Variants in PHACTR2 observed in about 807,000 individuals in gnomAD.
The protein encoded by PHACTR2 is phosphatase and actin regulator 2.
Under a neutral mutation model 76.0 loss-of-function variants are expected in PHACTR2, and 30 were observed. That is an observed-to-expected ratio of 0.39 (90% CI 0.30 to 0.54). PHACTR2 has a LOEUF of 0.54. PHACTR2 is among the 20% of genes least tolerant of loss of function. The pLI, the probability that PHACTR2 is intolerant of heterozygous loss-of-function variation, is 0.61. For missense variants in PHACTR2, 696 were observed against 781.1 expected (o/e 0.89, Z 1.30); for synonymous variants, 292 against 292.5 (o/e 1.00, Z 0.02).
intron 1 of PHACTR2, among the ~76,000 whole-genome samples, chr6:143,665,857 G>A (rs541769315): frequency 6.6e-6 from 1 of 152,258 alleles, no homozygotes; most frequent in African/African-American, 2.4e-5. Context: ...CGTAGTAAAA[G>A]CTAAAGTATT....
At position 143,633,382 on chromosome 6, in the gene PHACTR2, C is replaced by T. The variant is rs543854265; in HGVS notation, c.13+25060C>T. The stretch of plus-strand genomic sequence containing the variant: ...ATGATGCTGAACATCTTTTCATATG[C>T]TCACTTGCCTTTTCCACCTGTATAT... On this transcript the variant is annotated intron_variant, in intron 1 of 11. Transcript: ENST00000305766. This position sits in a 1 kb window ranked among gnomAD's most constrained non-coding sequence, Gnocchi z 4.1. Among the ~76,000 whole-genome samples, 9 of 152,314 alleles carry T rather than the reference C, an allele frequency of 5.9e-5. No individual in the cohort carries two copies. Among genetic ancestry groups the T allele is most frequent in the African/African-American group, 1.9e-4 (8 of 41,580 alleles).
intron 2 of PHACTR2, among the ~76,000 whole-genome samples, chr6:143,745,331 G>A (rs1391449370): frequency 1.3e-5 from 2 of 152,192 alleles, no homozygotes; most frequent in African/African-American, 2.4e-5. Flanking sequence ...AGATTGATGC[G>A]CAGAAGTTAC....
At position 143,633,181 on chromosome 6, in the gene PHACTR2, C is replaced by T. The variant is rs1445199563; in HGVS notation, c.13+24859C>T. On this transcript the variant is annotated intron_variant, in intron 1 of 11. Coordinates refer to the PHACTR2 transcript ENST00000305766. This position sits in a 1 kb window ranked among gnomAD's most constrained non-coding sequence, Gnocchi z 4.1. ...GTATATTTAGTTTTATAAGAAACTGCTAAACTGTCTTCCAAAGTGGCTGTA... is the reference window on the plus strand; with the variant it reads ...GTATATTTAGTTTTATAAGAAACTGTTAAACTGTCTTCCAAAGTGGCTGTA... Among the ~76,000 whole-genome samples, 1 of 152,192 alleles carries T rather than the reference C, an allele frequency of 6.6e-6. No homozygotes were observed. Among genetic ancestry groups the T allele is most frequent in the African/African-American group, 2.4e-5 (1 of 41,440 alleles).
In PHACTR2 at chr6:143,701,124, T is replaced by C. The variant is rs534922109; in HGVS notation, c.47-10892T>C. Among the ~76,000 whole-genome samples the C allele has an allele frequency of 4.6e-5, 7 of 152,312 alleles. No homozygotes were observed. The East Asian group carries it at 9.6e-4, about 21-fold the overall frequency. On this transcript the variant is annotated intron_variant, in intron 1 of 12. Coordinates refer to ENST00000440869, the MANE Select transcript of PHACTR2 (RefSeq NM_001100164.2). ...AATCTGTTAAATATCCTGTAGCAAG[T>C]CTAGGGGATGTTGTTCATGTCAGTG...
In PHACTR2 at chr6:143,791,547, T is replaced by C. The variant is rs1255185706; in HGVS notation, c.1845+2637T>C. Among the ~76,000 whole-genome samples the C allele has an allele frequency of 2.0e-5, 3 of 152,194 alleles. No individual in the cohort carries two copies. Among genetic ancestry groups the C allele is most frequent in the African/African-American group, 7.2e-5 (3 of 41,440 alleles). On this transcript the variant is annotated intron_variant, in intron 11 of 12. Transcript: ENST00000440869. This position sits in a 1 kb window ranked among gnomAD's most constrained non-coding sequence, Gnocchi z 4.7. ...ATCTCACATGTCCTTGAAAACAATATGTGTTCTATGGTTTGAGGGTGTGCA... is the reference window on the plus strand; with the variant it reads ...ATCTCACATGTCCTTGAAAACAATACGTGTTCTATGGTTTGAGGGTGTGCA...
intron 1 of PHACTR2, among the ~76,000 whole-genome samples, chr6:143,587,528 C>T (rs904103593): frequency 3.3e-5 from 5 of 152,146 alleles, no homozygotes; most frequent in African/African-American, 1.2e-4. Context: ...GCCGCAAGCA[C>T]TGCCAGTGAG....
intron 2 of PHACTR2, among the ~76,000 whole-genome samples, chr6:143,723,780 C>G (rs892971048): frequency 6.8e-6 from 1 of 147,228 alleles, no homozygotes; most frequent in African/African-American, 2.5e-5. Context: ...CTGCTCCATG[C>G]CAGATCTACA....
intron 1 of PHACTR2, among the ~76,000 whole-genome samples, chr6:143,651,501 T>A (rs922156490): frequency 8.5e-5 from 13 of 152,296 alleles, no homozygotes; most frequent in African/African-American, 3.1e-4. Flanking sequence ...CGTGGAATAC[T>A]ATGCAGCCAT....
At chr6:143,779,728 A>G (rs6570581) in intron 9 of PHACTR2, among the ~76,000 whole-genome samples, 85,125 of 151,702 alleles carry the variant, frequency 0.56, 25,525 homozygotes, top group Non-Finnish European at 0.67. Context: ...GCCCATCACT[A>G]GTTCAATAAA....
chr6:143,716,508 G>T (rs995717331), intron 2 of PHACTR2, among the ~76,000 whole-genome samples: 1 of 152,128 alleles, frequency 6.6e-6, no homozygotes, highest in African/African-American at 2.4e-5. Context: ...GTACTTTTCT[G>T]CTGTACTTTT....
chr6:143,830,165 TTTTC>T lies in PHACTR2; in HGVS notation c.*6480_*6483del, dbSNP rs2128489373. ...TTAAAATATAGGGACTAATATTTCT[TTTTC>T]TTTTTTTTAAAAAAAACATTTCTTC... On this transcript the variant is annotated 3_prime_UTR_variant, in exon 13 of 13. Transcript: ENST00000440869. 1 of 152,164 alleles carries T rather than the reference TTTTC, an allele frequency of 6.6e-6. No individual in the cohort carries two copies. The highest frequency in any genetic ancestry group is 2.1e-4 in the South Asian group (1 of 4,822). 9.4% of individuals were successfully genotyped at this position (152,164 alleles called of 1,614,324 possible).
At chr6:143,790,455 C>A (rs1775656364) in intron 11 of PHACTR2, among the ~76,000 whole-genome samples, 1 of 152,026 alleles carries the variant, frequency 6.6e-6, no homozygotes, top group African/African-American at 2.4e-5. Flanking sequence ...AGAGCACAGG[C>A]TGAGGAAGCT....
upstream of PHACTR2, among the ~76,000 whole-genome samples, chr6:143,604,603 C>A (rs539561315): frequency 6.6e-6 from 1 of 152,124 alleles, no homozygotes; most frequent in East Asian, 1.9e-4. Context: ...GTAATGTGAC[C>A]CAGTGCACTG....
intron 1 of PHACTR2, among the ~76,000 whole-genome samples, chr6:143,667,606 G>C (rs1221411387): frequency 6.6e-6 from 1 of 152,190 alleles, no homozygotes; most frequent in East Asian, 1.9e-4. Context: ...TTGTAAGTTG[G>C]ATTCCTAGGT....
chr6:143,828,119 C>T lies in PHACTR2; in HGVS notation c.*4430C>T, dbSNP rs2128488869. The T allele has an allele frequency of 6.6e-6, 1 of 152,214 alleles. No homozygotes were observed. The highest frequency in any genetic ancestry group is 6.5e-5 in the Admixed American group (1 of 15,290). The allele number at this position is 152,214 out of a possible 1,614,324, so 9.4% of individuals were successfully genotyped here. On this transcript the variant is annotated 3_prime_UTR_variant, in exon 13 of 13. Transcript: ENST00000440869. The surrounding 1 kb of genome is among the most constrained non-coding windows in gnomAD (Gnocchi z 4.7). ...GGGCCCAGATCGTGCCACTCCACTC[C>T]AGCCTGGGAGACAGAGCAAGACTCC...
intron 2 of PHACTR2, among the ~76,000 whole-genome samples, chr6:143,725,574 A>G (rs1351553647): frequency 6.6e-6 from 1 of 151,078 alleles, no homozygotes; most frequent in East Asian, 2.0e-4. Flanking sequence ...TCTTCACCAT[A>G]GTTTTGTTGT....
At chr6:143,605,294 C>T (rs537773795), upstream of PHACTR2, among the ~76,000 whole-genome samples, 5 of 152,238 alleles carry the variant, frequency 3.3e-5, no homozygotes, top group East Asian at 1.9e-4. This position sits in a 1 kb window ranked among gnomAD's most constrained non-coding sequence, Gnocchi z 5.0. Context: ...AAAATGGGAA[C>T]GAACCCCATG....
chr6:143,686,111 G>A (rs945241230), intron 1 of PHACTR2, among the ~76,000 whole-genome samples: 12 of 145,702 alleles, frequency 8.2e-5, no homozygotes, highest in Non-Finnish European at 1.5e-4. Flanking sequence ...CAGCCTGGAC[G>A]ACAGAGTGAG....
chr6:143,670,882 T>A (rs1178867419), intron 1 of PHACTR2, among the ~76,000 whole-genome samples: 1 of 152,094 alleles, frequency 6.6e-6, no homozygotes, highest in Non-Finnish European at 1.5e-5. Context: ...TTTGTTCCCT[T>A]GCTGGCGAGG....
Sources: gnomAD v4.1 joint callset for allele counts (sites outside exome capture counted in the v4.1 genomes callset) on GRCh38, gnomAD v4.1.1 for gene constraint, Gnocchi (gnomAD v3.1) non-coding constraint, MANE v1.5 for transcripts, NCBI Gene and HGNC (gene_info 2026-07-23, HGNC 2026-07-21) for gene names.